Variants in APPL1 observed in about 807,000 individuals in gnomAD.
The protein encoded by APPL1 is adaptor protein, phosphotyrosine interacting with PH domain and leucine zipper 1, also known as DCC-interacting protein 13-alpha.
A neutral mutation model predicts 106.8 loss-of-function variants in APPL1; 42 were observed. The ratio of observed to expected loss-of-function variants is 0.39; its 90% CI spans 0.31 to 0.51. The LOEUF is 0.51. APPL1 is among the 20% of genes least tolerant of loss of function. APPL1 has a pLI of 0.75. For missense variants in APPL1, 769 were observed against 858.2 expected (o/e 0.90, Z 1.30); for synonymous variants, 263 against 281.8 (o/e 0.93, Z 0.67).
Position 57,259,047 on chromosome 3 carries a change from G to C in APPL1, c.1450G>C (p.Glu484Gln), listed in dbSNP as rs1305626908. 4 of 1,612,708 alleles carry C rather than the reference G, an allele frequency of 2.5e-6. No homozygotes were observed. In the Admixed American group the frequency reaches 5.0e-5, roughly 20 times the overall value. ...QGGRRTNPFGESGGSTKSETE... is the reference protein window; with the variant it reads ...QGGRRTNPFGQSGGSTKSETE... ...TTTTAGGCGTACAAATCCATTTGGA[G>C]AATCTGGAGGAAGTACAAAATCTGA... The change falls in exon 16 of 22, where the codon GAA (glutamate) becomes CAA (glutamine). Residue 484 changes from glutamate to glutamine, a missense_variant. Glu to Gln is a conservative substitution (Grantham distance 29, BLOSUM62 2). Transcript: ENST00000288266.
At chr3:57,241,283 T>A (rs1316754186) in intron 5 of APPL1, among the ~76,000 whole-genome samples, 1 of 152,136 alleles carries the variant, frequency 6.6e-6, no homozygotes, top group Non-Finnish European at 1.5e-5. Context: ...GGTGTGTGTA[T>A]GGGCCGAAGT....
chr3:57,246,589 A>C (rs1579388935), intron 8 of APPL1, among the ~76,000 whole-genome samples: 2 of 152,310 alleles, frequency 1.3e-5, no homozygotes, highest in Admixed American at 1.3e-4. Flanking sequence ...TATTCCTTGC[A>C]TACTTCCTGA....
At chr3:57,249,260 C>A in intron 10 of APPL1, 100 bp from the exon 11 acceptor site, 3 of 1,248,590 alleles carry the variant, frequency 2.4e-6, no homozygotes, top group South Asian at 1.4e-5. Context: ...GGTGCCTCTT[C>A]GCAAGCCAGT....
intron 1 of APPL1, among the ~76,000 whole-genome samples, chr3:57,234,601 CATTCTT>C: frequency 6.6e-6 from 1 of 150,516 alleles, no homozygotes; most frequent in South Asian, 2.1e-4. Flanking sequence ...CCCGGCCTGA[CATTCTT>C]AACATTTACT....
At chr3:57,241,403 G>A (rs1044454265) in intron 5 of APPL1, among the ~76,000 whole-genome samples, 6 of 152,108 alleles carry the variant, frequency 3.9e-5, no homozygotes, top group African/African-American at 1.2e-4. Flanking sequence ...GTTTTATAGA[G>A]TTGGTTTTGC....
Position 57,235,665 on chromosome 3 carries a change from G to T in APPL1, c.153+1G>T, listed in dbSNP as rs146039866. On this transcript the variant is annotated splice_donor_variant, in intron 2 of 21. Transcript: ENST00000288266. LOFTEE classifies it high-confidence loss of function. ...TATGCATCGGATTTATGATGCACAG[G>T]TAAAACACTAAGGACTAACTTGATG... The T allele has an allele frequency of 6.2e-7, 1 of 1,605,032 alleles. No homozygotes were observed. Among genetic ancestry groups the T allele is most frequent in the Non-Finnish European group, 8.5e-7 (1 of 1,172,818 alleles).
In APPL1 at chr3:57,240,543, G is replaced by C. The variant is rs758066179; in HGVS notation, c.364G>C (p.Asp122His). ...CCCCATTACCCAGTTTAAAGAAAGA[G>C]ATCTGAAAGGTATTGAAGTCAAGCT... ...MFPITQFKER[D>H]LKEILTLKEV... Residue 122 changes from aspartate (D) to histidine (H), a missense_variant, in exon 5 of 22, where the codon GAT becomes CAT. Physicochemically the swap from Asp to His is moderately conservative, Grantham distance 81 (BLOSUM62 -1). Coordinates refer to ENST00000288266, the MANE Select transcript of APPL1 (RefSeq NM_012096.3). The C allele has an allele frequency of 5.0e-6, 8 of 1,613,112 alleles. No homozygotes were observed. The highest frequency in any genetic ancestry group is 6.8e-6 in the Non-Finnish European group (8 of 1,179,278).
At chr3:57,266,046 C>T (rs2060893055) in intron 19 of APPL1, among the ~76,000 whole-genome samples, 1 of 152,246 alleles carries the variant, frequency 6.6e-6, no homozygotes, top group East Asian at 1.9e-4. Context: ...GGATAAATCC[C>T]ACTTGGTCAT....
chr3:57,253,696 A>C lies in APPL1; in HGVS notation c.1110A>C (p.Ile370=). 6.9e-7 allele frequency: 1 copy of C among 1,452,616 alleles called. No individual in the cohort carries two copies. Among genetic ancestry groups the C allele is most frequent in the Non-Finnish European group, 9.1e-7 (1 of 1,094,602 alleles). 90.0% of individuals were successfully genotyped at this position (1,452,616 alleles called of 1,614,324 possible). A position where few individuals can be genotyped will look rare whatever the true frequency, so the allele number is the denominator to read the frequency against. ...TCCTCTTGCAGTGGATCTGTACAAT[A>C]AACAACATATCTAAACAAATATACT... is the stretch of plus-strand genomic sequence containing the variant. ...KKDHEEWICT[I]NNISKQIYLS... The change falls in exon 13 of 22, where the codon ATA becomes ATC. Residue 370 remains isoleucine, a synonymous_variant. Coordinates refer to ENST00000288266, the MANE Select transcript of APPL1 (RefSeq NM_012096.3).
chr3:57,258,892 A>G (rs2060850815), intron 15 of APPL1, 136 bp from the exon 16 acceptor site: 1 of 610,322 alleles, frequency 1.6e-6, no homozygotes, highest in East Asian at 2.9e-5. Context: ...TTAGTGATCA[A>G]TAGTGTTTCT....
chr3:57,231,534 G>T (rs1165997089), intron 1 of APPL1, among the ~76,000 whole-genome samples: 2 of 151,702 alleles, frequency 1.3e-5, no homozygotes. Flanking sequence ...AAAGTGGCCT[G>T]CCAGTTGCTA....
Position 57,235,560 on chromosome 3 carries a change from A to G in APPL1, c.55-6A>G. On this transcript the variant is annotated splice_polypyrimidine_tract_variant and splice_region_variant and intron_variant, in intron 1 of 21. Coordinates refer to ENST00000288266, the MANE Select transcript of APPL1 (RefSeq NM_012096.3). ...AACATAAACTTATTGCTATTGTTTT[A>G]TACAGACAAGGTCTTTACTAGGTGT... The G allele has an allele frequency of 6.3e-7, 1 of 1,579,122 alleles. No homozygotes were observed. Among genetic ancestry groups the G allele is most frequent in the African/African-American group, 1.3e-5 (1 of 74,338 alleles).
chr3:57,270,191 T>TTA lies in APPL1; in HGVS notation c.*507_*508dup, dbSNP rs1333713647. ...CAATATTAAATGTGCAATAGAACTT[T>TTA]TATAAAATAATTAGAACAGAGATTT... On this transcript the variant is annotated 3_prime_UTR_variant, in exon 22 of 22. Transcript: ENST00000288266. 4 of 152,720 alleles carry TTA rather than the reference T, an allele frequency of 2.6e-5. No homozygotes were observed. Among genetic ancestry groups the TTA allele is most frequent in the Admixed American group, 6.5e-5 (1 of 15,292 alleles). 9.5% of individuals were successfully genotyped at this position (152,720 alleles called of 1,614,324 possible).
intron 19 of APPL1, among the ~76,000 whole-genome samples, chr3:57,266,240 TA>T (rs771997364): frequency 6.6e-6 from 1 of 152,208 alleles, no homozygotes; most frequent in Non-Finnish European, 1.5e-5. Context: ...CCTTCTCCTC[TA>T]TTTTTTGGAA....
intron 11 of APPL1, among the ~76,000 whole-genome samples, 172 bp from the exon 12 acceptor site, chr3:57,252,097 G>A (rs2107604889): frequency 6.6e-6 from 1 of 152,280 alleles, no homozygotes; most frequent in Non-Finnish European, 1.5e-5. Flanking sequence ...TCTGCATCCT[G>A]ATACCTCTGG....
chr3:57,237,921 T>C, intron 3 of APPL1, 124 bp from the exon 4 acceptor site: 1 of 676,976 alleles, frequency 1.5e-6, no homozygotes. Context: ...AGTTAAATGA[T>C]ATTTTAGAGC....
At chr3:57,252,871 A>T (rs2060812311) in intron 12 of APPL1, among the ~76,000 whole-genome samples, 1 of 152,174 alleles carries the variant, frequency 6.6e-6, no homozygotes, top group Non-Finnish European at 1.5e-5. Flanking sequence ...ATCTTGAGAA[A>T]CATTCTTCCA....
intron 19 of APPL1, among the ~76,000 whole-genome samples, chr3:57,264,042 C>G (rs928195746): frequency 6.6e-6 from 1 of 152,122 alleles, no homozygotes; most frequent in Non-Finnish European, 1.5e-5. Flanking sequence ...CCACATGCTT[C>G]CCAGCATTTG....
rs553579205 is a variant in APPL1, at chr3:57,230,777, T to C, written c.54+2840T>C. 3.2e-4 allele frequency: 145 copies of C among 458,768 alleles called. 2 individuals are homozygous for C. The highest frequency in any genetic ancestry group is 2.1e-3 in the South Asian group (131 of 61,700). The allele number at this position is 458,768 out of a possible 1,614,324, so 28.4% of individuals were successfully genotyped here. A position where few individuals can be genotyped will look rare whatever the true frequency, so the allele number is the denominator to read the frequency against. Reference sequence around the variant, plus strand: ...ACTTTTAAAGCTCATGGTAAGTTTTTTGTTTTTTTTTTGAGACAGAGTCTC... The same window carrying C: ...ACTTTTAAAGCTCATGGTAAGTTTTCTGTTTTTTTTTTGAGACAGAGTCTC... On this transcript the variant is annotated intron_variant, in intron 1 of 21. Transcript: ENST00000288266.
Sources: allele counts gnomAD v4.1 joint callset (sites outside exome capture counted in the v4.1 genomes callset), GRCh38; gene constraint gnomAD v4.1.1; transcripts MANE v1.5; gene names NCBI Gene and HGNC (gene_info 2026-07-23, HGNC 2026-07-21).